The following SAMD12 variants were observed in gnomAD, a reference collection of about 807,000 sequenced individuals.
The protein encoded by SAMD12 is sterile alpha motif domain-containing protein 12.
Under a neutral mutation model 15.0 loss-of-function variants are expected in SAMD12, and 9 were observed. That is an observed-to-expected ratio of 0.60 (90% CI 0.36 to 1.05). The LOEUF (loss-of-function observed/expected upper bound fraction) is 1.05. Ranked by LOEUF, SAMD12 falls within the 50% of genes least tolerant of loss-of-function variation. The pLI is 0.01. For synonymous variants in SAMD12, 86 were observed against 90.1 expected (o/e 0.96, Z 0.25); for missense variants, 230 against 234.2 (o/e 0.98, Z 0.12).
chr8:118,234,942 CATAA>C (rs1812395793), intron 4 of SAMD12, among the ~76,000 whole-genome samples: 1 of 152,050 alleles, frequency 6.6e-6, no homozygotes, highest in South Asian at 2.1e-4. Context: ...CTTTTTCTTA[CATAA>C]ATACTCTCAA....
At chr8:118,187,727 T>G (rs913054718), downstream of SAMD12, among the ~76,000 whole-genome samples, 2 of 152,190 alleles carry the variant, frequency 1.3e-5, no homozygotes, top group African/African-American at 4.8e-5. Context: ...GCCTACTCCT[T>G]GTTTGGGGAG....
At chr8:118,225,049 G>C (rs745844443) in intron 4 of SAMD12, among the ~76,000 whole-genome samples, 7 of 152,194 alleles carry the variant, frequency 4.6e-5, no homozygotes, top group African/African-American at 7.2e-5. Context: ...GAGTTGGAGA[G>C]AGTGTTTATT....
intron 4 of SAMD12, among the ~76,000 whole-genome samples, chr8:118,256,858 TAG>T (rs1480789694): frequency 6.6e-6 from 1 of 151,538 alleles, no homozygotes; most frequent in East Asian, 1.9e-4. Context: ...TCTTGGTTCA[TAG>T]AGTCTTTTAG....
intron 4 of SAMD12, among the ~76,000 whole-genome samples, chr8:118,276,794 T>C (rs1254778942): frequency 6.6e-6 from 1 of 152,110 alleles, no homozygotes; most frequent in East Asian, 1.9e-4. Context: ...TGCCTCAACT[T>C]CCCAATTAAC....
chr8:118,457,191 T>G (rs1045197339), intron 2 of SAMD12, among the ~76,000 whole-genome samples: 2 of 151,782 alleles, frequency 1.3e-5, no homozygotes, highest in African/African-American at 2.4e-5. Context: ...AGCTGCCACT[T>G]CCACTACTGC....
chr8:118,581,954 A>G (rs534106047), intron 1 of SAMD12, among the ~76,000 whole-genome samples: 1 of 152,038 alleles, frequency 6.6e-6, no homozygotes, highest in Non-Finnish European at 1.5e-5. Context: ...CTTTTACCCA[A>G]CATCTTTAGG....
At chr8:118,480,273 G>A (rs1329727747) in intron 2 of SAMD12, among the ~76,000 whole-genome samples, 1 of 152,132 alleles carries the variant, frequency 6.6e-6, no homozygotes, top group Non-Finnish European at 1.5e-5. Flanking sequence ...AGGAAGAGAA[G>A]CAATCCTCCT....
intron 4 of SAMD12, among the ~76,000 whole-genome samples, chr8:118,296,067 C>T (rs767222751): frequency 1.3e-5 from 2 of 152,080 alleles, no homozygotes; most frequent in African/African-American, 2.4e-5. Context: ...GTAAAATGAC[C>T]GTAACTGAGC....
intron 2 of SAMD12, among the ~76,000 whole-genome samples, chr8:118,517,374 T>C (rs1825272750): frequency 6.6e-6 from 1 of 152,212 alleles, no homozygotes; most frequent in Non-Finnish European, 1.5e-5. Flanking sequence ...AATTTCCTCA[T>C]TTATAAAATG....
At chr8:118,195,250 G>T (rs1819526361) in exon 5 of SAMD12, 1 of 152,266 alleles carries the variant, frequency 6.6e-6, no homozygotes, top group Admixed American at 6.5e-5. Flanking sequence ...TTCCAAGAGA[G>T]TCAGCAGTAG....
At chr8:118,417,793 A>C (rs964537941) in intron 3 of SAMD12, among the ~76,000 whole-genome samples, 6 of 152,356 alleles carry the variant, frequency 3.9e-5, no homozygotes, top group African/African-American at 1.4e-4. Flanking sequence ...ATTACTGAAC[A>C]GGGCAATTCA....
rs541226907 is a variant in SAMD12 at position 118,501,869 on chromosome 8, T to G, written c.193-61908A>C. On this transcript the variant is annotated intron_variant, in intron 2 of 3. Coordinates refer to ENST00000314727, the MANE Select transcript of SAMD12 (RefSeq NM_207506.3). ...GTCTCTACTAAAAATACAAAAATAT[T>G]AGCCGGGCGTGGTGGCAGGCGCCTG... is the stretch of plus-strand genomic sequence containing the variant. Among the ~76,000 whole-genome samples the G allele has an allele frequency of 9.9e-5, 15 of 151,906 alleles. No individual in the cohort carries two copies. In the East Asian group the frequency reaches 2.9e-3, roughly 29 times the overall value.
the SAMD12 span, among the ~76,000 whole-genome samples, chr8:118,178,467 A>G: frequency 6.6e-6 from 1 of 151,946 alleles, no homozygotes; most frequent in Non-Finnish European, 1.5e-5. Context: ...TTTTTAAATT[A>G]AAAAAAATTG....
At chr8:118,486,135 C>T (rs1167925103) in intron 2 of SAMD12, among the ~76,000 whole-genome samples, 1 of 152,136 alleles carries the variant, frequency 6.6e-6, no homozygotes, top group Non-Finnish European at 1.5e-5. Context: ...AGAGAGTAGG[C>T]TGGGGGTGGT....
intron 4 of SAMD12, among the ~76,000 whole-genome samples, chr8:118,311,490 A>G (rs1376287300): frequency 6.6e-6 from 1 of 152,216 alleles, no homozygotes; most frequent in African/African-American, 2.4e-5. Flanking sequence ...AGCCCTTTAT[A>G]GAAAGTTTGC....
chr8:118,138,882 C>G, the SAMD12 span, among the ~76,000 whole-genome samples: 5 of 152,158 alleles, frequency 3.3e-5, no homozygotes, highest in Non-Finnish European at 5.9e-5. Context: ...ACTGCACAAG[C>G]TCCAATTTGA....
Position 118,545,496 on chromosome 8 carries a change from TC to T in SAMD12, c.192+35218del, listed in dbSNP as rs1826099769. On this transcript the variant is annotated intron_variant, in intron 2 of 3. Coordinates refer to ENST00000314727, the MANE Select transcript of SAMD12 (RefSeq NM_207506.3). ...AACAAAACAAAACAAAAAACAAGAATCCCAGGCAATTCTAAACACCACACAG... is the reference window on the plus strand; with the variant it reads ...AACAAAACAAAACAAAAAACAAGAATCCAGGCAATTCTAAACACCACACAG... Among the ~76,000 whole-genome samples, 4 of 151,908 alleles carry T rather than the reference TC, an allele frequency of 2.6e-5. 1 individual carries two copies. Among genetic ancestry groups the T allele is most frequent in the Middle Eastern group, 6.8e-3 (2 of 294 alleles).
At chr8:118,501,017 C>T (rs960019441) in intron 2 of SAMD12, among the ~76,000 whole-genome samples, 4 of 152,060 alleles carry the variant, frequency 2.6e-5, no homozygotes, top group African/African-American at 9.7e-5. Flanking sequence ...AACAGCCACC[C>T]GGTAGATGTG....
intron 4 of SAMD12, among the ~76,000 whole-genome samples, chr8:118,355,884 ATG>A (rs1818203815): frequency 6.6e-6 from 1 of 152,184 alleles, no homozygotes; most frequent in African/African-American, 2.4e-5. Flanking sequence ...AAAATCTAGC[ATG>A]TGTCTGAAGC....
Sources: allele counts gnomAD v4.1 joint callset (sites outside exome capture counted in the v4.1 genomes callset), GRCh38; gene constraint gnomAD v4.1.1; transcripts MANE v1.5; gene names NCBI Gene and HGNC (gene_info 2026-07-23, HGNC 2026-07-21).